BEND7: variants seen among roughly 807,000 people sequenced by gnomAD.
BEND7 encodes BEN domain containing 7, also known as BEN domain-containing protein 7.
In BEND7, 28 loss-of-function variants were observed where a neutral mutation model predicts 50.9. The ratio of observed to expected loss-of-function variants is 0.55; its 90% CI spans 0.41 to 0.75. The LOEUF is 0.75. Ranked by LOEUF, BEND7 falls within the 30% of genes least tolerant of loss-of-function variation. BEND7 has a pLI of 0.00. For synonymous variants in BEND7, 170 were observed against 183.9 expected, an observed-to-expected ratio of 0.92 and a Z score of 0.61; for missense variants, 477 against 491.3, an observed-to-expected ratio of 0.97 and a Z score of 0.28.
At chr10:13,473,670 T>C (rs1588805240) in intron 6 of BEND7, among the ~76,000 whole-genome samples, 1 of 150,400 alleles carries the variant, frequency 6.6e-6, no homozygotes, top group East Asian at 2.0e-4. Context: ...GTATCCATCA[T>C]CGCTGTTGGA....
At chr10:13,519,261 A>G (rs1050265061) in intron 2 of BEND7, among the ~76,000 whole-genome samples, 3 of 152,188 alleles carry the variant, frequency 2.0e-5, no homozygotes, top group Admixed American at 6.5e-5. Context: ...TCACGAGGTC[A>G]GGAGATCGAG....
At chr10:13,448,972 C>CAAA (rs35336154) in intron 7 of BEND7, among the ~76,000 whole-genome samples, 3 of 56,606 alleles carry the variant, frequency 5.3e-5, no homozygotes, top group African/African-American at 6.4e-5. Flanking sequence ...GACTCCATCT[C>CAAA]AAAAAAAAAA....
At chr10:13,503,736 C>CAAACA (rs573611466) in intron 2 of BEND7, among the ~76,000 whole-genome samples, 5 of 151,038 alleles carry the variant, frequency 3.3e-5, no homozygotes, top group South Asian at 4.2e-4. Context: ...AACAAACAAA[C>CAAACA]AACAACTAAA....
At chr10:13,506,228 C>T (rs1405921167) in intron 2 of BEND7, among the ~76,000 whole-genome samples, 1 of 152,174 alleles carries the variant, frequency 6.6e-6, no homozygotes, top group Non-Finnish European at 1.5e-5. Context: ...GCTCTGCTTC[C>T]TTGCTAGAGC....
chr10:13,503,762 A>C (rs1445996590), intron 2 of BEND7, among the ~76,000 whole-genome samples: 1 of 152,208 alleles, frequency 6.6e-6, no homozygotes, highest in Non-Finnish European at 1.5e-5. Flanking sequence ...GGAACACAGA[A>C]AACTGCAGTA....
rs1838410422 is a variant in BEND7 at position 13,454,194 on chromosome 10, T to A, written c.1064-1536A>T. On this transcript the variant is annotated intron_variant, in intron 6 of 8. Transcript: ENST00000466271. ...GGAAGGTGTGTGAGCTGAAAGGACA[T>A]CGCAGGCTTGGTTTGGAGCATGCTG... Among the ~76,000 whole-genome samples, 5 of 152,218 alleles carry A rather than the reference T, an allele frequency of 3.3e-5. No individual in the cohort carries two copies. The South Asian group carries it at 1.0e-3, about 32-fold the overall frequency.
intron 1 of BEND7, chr10:13,527,891 TTTTC>T (rs2079533100): frequency 2.0e-5 from 19 of 968,752 alleles, no homozygotes; most frequent in South Asian, 4.8e-5. Flanking sequence ...TTCTTTTCTT[TTTTC>T]TTTTTTTTAA....
At chr10:13,482,334 T>C (rs1007344653) in intron 5 of BEND7, among the ~76,000 whole-genome samples, 3 of 152,186 alleles carry the variant, frequency 2.0e-5, no homozygotes, top group African/African-American at 7.2e-5. Flanking sequence ...AAACTGTTGT[T>C]AGGAAAAAAG....
At chr10:13,486,221 G>T (rs1446697080) in intron 5 of BEND7, among the ~76,000 whole-genome samples, 1 of 152,148 alleles carries the variant, frequency 6.6e-6, no homozygotes, top group Non-Finnish European at 1.5e-5. Flanking sequence ...TAGAGAGGGG[G>T]GTCTCGCTTT....
chr10:13,452,698 G>A lies in BEND7; in HGVS notation c.1064-40C>T, dbSNP rs1450209381. The stretch of plus-strand genomic sequence containing the variant: ...AAAATATTGTTAAATACCTTAACAA[G>A]TAAAATATGCAGATCTGAAACAGAA... On this transcript the variant is annotated intron_variant, in intron 6 of 8. Coordinates refer to ENST00000466271, the MANE Select transcript of BEND7 (RefSeq NM_001369863.1). 14 of 1,501,148 alleles carry A rather than the reference G, an allele frequency of 9.3e-6. No homozygotes were observed. In the South Asian group the frequency reaches 1.3e-4, roughly 14 times the overall value. The allele number at this position is 1,501,148 out of a possible 1,614,324, so 93.0% of individuals were successfully genotyped here.
intron 6 of BEND7, among the ~76,000 whole-genome samples, chr10:13,474,069 T>C (rs529612407): frequency 1.3e-5 from 2 of 152,202 alleles, no homozygotes; most frequent in East Asian, 1.9e-4. Context: ...TCGATACCCA[T>C]CATCACTGTT....
At chr10:13,476,390 G>A (rs1233215980) in intron 6 of BEND7, among the ~76,000 whole-genome samples, 10 of 152,292 alleles carry the variant, frequency 6.6e-5, no homozygotes, top group African/African-American at 2.4e-4. Context: ...GCGGCAGTTT[G>A]TGCTGTGTGG....
chr10:13,492,903 A>C (rs2076768615), intron 4 of BEND7, 27 bp from the exon 5 acceptor site: 1 of 1,587,622 alleles, frequency 6.3e-7, no homozygotes, highest in Non-Finnish European at 8.5e-7. Flanking sequence ...AAAATATGGT[A>C]CAGGCACGTG....
chr10:13,447,451 C>A, intron 7 of BEND7, 135 bp from the exon 8 acceptor site: 1 of 775,338 alleles, frequency 1.3e-6, no homozygotes, highest in African/African-American at 1.8e-5. Context: ...TTTCAGCTAC[C>A]GTTGGTTCAT....
At chr10:13,506,120 A>G (rs998695463) in intron 2 of BEND7, among the ~76,000 whole-genome samples, 8 of 152,126 alleles carry the variant, frequency 5.3e-5, no homozygotes, top group African/African-American at 7.2e-5. Context: ...TGCTCCAAAT[A>G]ATGGTCCTGG....
chr10:13,525,090 G>A (rs908897886), intron 2 of BEND7, among the ~76,000 whole-genome samples: 4 of 152,070 alleles, frequency 2.6e-5, no homozygotes, highest in African/African-American at 7.2e-5. Flanking sequence ...GCTTGTAATC[G>A]TTCTCGCTCT....
intron 2 of BEND7, among the ~76,000 whole-genome samples, chr10:13,510,828 T>C (rs2078223960): frequency 6.6e-6 from 1 of 152,070 alleles, no homozygotes; most frequent in Admixed American, 6.5e-5. Flanking sequence ...CACACACACC[T>C]CTATTGGTAA....
At chr10:13,501,218 T>C (rs889300277) in intron 2 of BEND7, among the ~76,000 whole-genome samples, 5 of 150,780 alleles carry the variant, frequency 3.3e-5, no homozygotes, top group Admixed American at 2.0e-4. Flanking sequence ...CTACTGAAAA[T>C]ACAAAATTAG....
intron 6 of BEND7, among the ~76,000 whole-genome samples, chr10:13,461,823 G>T (rs1840270612): frequency 6.6e-6 from 1 of 152,166 alleles, no homozygotes; most frequent in East Asian, 1.9e-4. Flanking sequence ...GTGAGCAGAA[G>T]CATTGCTGTT....
Sources: gnomAD v4.1 joint callset for allele counts (sites outside exome capture counted in the v4.1 genomes callset) on GRCh38, gnomAD v4.1.1 for gene constraint, MANE v1.5 for transcripts, NCBI Gene and HGNC (gene_info 2026-07-23, HGNC 2026-07-21) for gene names.